Variants in ERVMER34-1 observed in about 807,000 individuals in gnomAD.
The protein encoded by ERVMER34-1 is endogenous retroviral envelope protein HEMO.
For synonymous variants in ERVMER34-1, 199 were observed against 111.7 expected (o/e 1.78, Z -4.93); for missense variants, 471 against 295.1 (o/e 1.60, Z -4.37).
chr4:52,750,085 A>G (rs112618785), intron 2 of ERVMER34-1, among the ~76,000 whole-genome samples: 21,915 of 152,034 alleles, frequency 0.14, 1,654 homozygotes, highest in East Asian at 0.2. Context: ...CACAACCTCT[A>G]CATCCCAGGT....
rs745383270 is a variant in ERVMER34-1, at chr4:52,744,905, G to A, written c.616C>T (p.Pro206Ser). The change falls in exon 3 of 3, where the codon CCC (proline) becomes TCC (serine). Residue 206 changes from proline to serine, a missense_variant. Coordinates refer to ENST00000443173, the MANE Select transcript of ERVMER34-1 (RefSeq NM_001242690.2). The stretch of plus-strand genomic sequence containing the variant: ...ACCCATTTGTAGTCTTGGGTATTGG[G>A]CAGACCAATCAAGGGAACAGCTGAG... ...NSSAVPLIGL[P>S]NTQDYKWVDR... 1.4e-5 allele frequency: 10 copies of A among 704,086 alleles called. No individual in the cohort carries two copies. The highest frequency in any genetic ancestry group is 4.4e-5 in the South Asian group (3 of 67,588). The allele number at this position is 704,086 out of a possible 1,614,324, so 43.6% of individuals were successfully genotyped here.
intron 2 of ERVMER34-1, among the ~76,000 whole-genome samples, chr4:52,750,195 C>CTCTACCT (rs1442056043): frequency 6.6e-6 from 1 of 152,076 alleles, no homozygotes; most frequent in Non-Finnish European, 1.5e-5. Context: ...GATGGGGTTT[C>CTCTACCT]ACCATGTTGG....
chr4:52,744,186 G>T lies in ERVMER34-1; in HGVS notation c.1335C>A (p.Cys445Ter), dbSNP rs1157702314. The T allele has an allele frequency of 2.8e-6, 2 of 704,020 alleles. No individual in the cohort carries two copies. The highest frequency in any genetic ancestry group is 2.6e-6 in the Non-Finnish European group (1 of 385,002). The allele number at this position is 704,020 out of a possible 1,614,324, so 43.6% of individuals were successfully genotyped here. The change falls in exon 3 of 3, where the codon TGC becomes TGA. Residue 445 changes from cysteine (C) to a stop codon, truncating the protein, a stop_gained. Coordinates refer to ENST00000443173, the MANE Select transcript of ERVMER34-1 (RefSeq NM_001242690.2). LOFTEE classifies it low-confidence loss of function (END_TRUNC). ...TTTCTTCCGAATAATTTATATAGAG[G>T]CAACACTGTTTGCCAACAGTTCCAC... The part of the protein sequence containing the change: ...TACGTVGKQC[C>*]LYINYSEEIK...
At chr4:52,750,571 A>C (rs1716262052) in intron 2 of ERVMER34-1, 1 of 152,194 alleles carries the variant, frequency 6.6e-6, no homozygotes, top group African/African-American at 2.4e-5. Flanking sequence ...CCCACAACCT[A>C]AAACAGACAT....
chr4:52,743,437 T>C lies in ERVMER34-1; in HGVS notation c.*392A>G, dbSNP rs1716062279. ...TTATCTATTCAAACACACTCTTTGGTCTATCCAGAAGCCTACAAAGTGCTG... is the reference window on the plus strand; with the variant it reads ...TTATCTATTCAAACACACTCTTTGGCCTATCCAGAAGCCTACAAAGTGCTG... On this transcript the variant is annotated 3_prime_UTR_variant, in exon 3 of 3. Transcript: ENST00000443173. The C allele has an allele frequency of 6.2e-6, 1 of 161,028 alleles. No individual in the cohort carries two copies. Among genetic ancestry groups the C allele is most frequent in the South Asian group, 2.0e-4 (1 of 5,072 alleles). 10.0% of individuals were successfully genotyped at this position (161,028 alleles called of 1,614,324 possible).
rs533010543 is a variant in ERVMER34-1, at chr4:52,745,845, C to T, written c.-325G>A. On this transcript the variant is annotated 5_prime_UTR_variant, in exon 3 of 3. Coordinates refer to ENST00000443173, the MANE Select transcript of ERVMER34-1 (RefSeq NM_001242690.2). ...AAATTCAGGAATTTTATTTTGATGA[C>T]TATGTAGGTGGTTAGCAGTACTTCA... The T allele has an allele frequency of 3.5e-6, 1 of 289,120 alleles. No individual in the cohort carries two copies. Among genetic ancestry groups the T allele is most frequent in the Non-Finnish European group, 6.5e-6 (1 of 154,834 alleles). 17.9% of individuals were successfully genotyped at this position (289,120 alleles called of 1,614,324 possible). A position where few individuals can be genotyped will look rare whatever the true frequency, so the allele number is the denominator to read the frequency against.
At chr4:52,748,502 T>C (rs1577735028) in intron 2 of ERVMER34-1, among the ~76,000 whole-genome samples, 1 of 152,176 alleles carries the variant, frequency 6.6e-6, no homozygotes, top group Non-Finnish European at 1.5e-5. Flanking sequence ...ATTTGAACTG[T>C]TACCTACTTA....
Position 52,744,112 on chromosome 4 carries a change from T to C in ERVMER34-1, c.1409A>G (p.Asn470Ser). Residue 470 changes from asparagine to serine, a missense_variant, in exon 3 of 3, where the codon AAT becomes AGT. Physicochemically the swap from Asn to Ser is conservative, Grantham distance 46. Coordinates refer to ENST00000443173, the MANE Select transcript of ERVMER34-1 (RefSeq NM_001242690.2). ...GCCTTGCCAATCAAGTAACGGTACATTCTTCAGGTTCTCGGATGCTTCGTG... is the reference window on the plus strand; with the variant it reads ...GCCTTGCCAATCAAGTAACGGTACACTCTTCAGGTTCTCGGATGCTTCGTG... Reference protein sequence around the residue: ...RLHEASENLKNVPLLDWQGIF... With the variant: ...RLHEASENLKSVPLLDWQGIF... The C allele has an allele frequency of 1.4e-6, 1 of 704,166 alleles. No individual in the cohort carries two copies. The highest frequency in any genetic ancestry group is 2.0e-5 in the Admixed American group (1 of 50,018). 43.6% of individuals were successfully genotyped at this position (704,166 alleles called of 1,614,324 possible). A position where few individuals can be genotyped will look rare whatever the true frequency, so the allele number is the denominator to read the frequency against.
At position 52,743,828 on chromosome 4, in the gene ERVMER34-1, C is replaced by A; in HGVS notation, c.*1G>T. ...TGCAGCTGCTGTTTGTTCAGATATT[C>A]TCAAAGTAGACTTGTGTCATATTGA... On this transcript the variant is annotated 3_prime_UTR_variant, in exon 3 of 3. Transcript: ENST00000443173. The A allele has an allele frequency of 6.8e-7, 1 of 1,475,994 alleles. No individual in the cohort carries two copies. Among genetic ancestry groups the A allele is most frequent in the Non-Finnish European group, 8.9e-7 (1 of 1,119,608 alleles). The allele number at this position is 1,475,994 out of a possible 1,614,324, so 91.4% of individuals were successfully genotyped here.
At chr4:52,747,666 T>A (rs1015449824) in intron 2 of ERVMER34-1, among the ~76,000 whole-genome samples, 4 of 152,184 alleles carry the variant, frequency 2.6e-5, no homozygotes, top group African/African-American at 9.7e-5. Flanking sequence ...AATCTGGCTC[T>A]CTTAACAGAA....
At chr4:52,747,802 C>G (rs570041352) in intron 2 of ERVMER34-1, among the ~76,000 whole-genome samples, 1 of 152,336 alleles carries the variant, frequency 6.6e-6, no homozygotes, top group East Asian at 1.9e-4. Flanking sequence ...CTTTGGGAAG[C>G]CAAGGCGGGC....
In ERVMER34-1 at chr4:52,745,340, C is replaced by T. The variant is rs1560437009; in HGVS notation, c.181G>A (p.Val61Ile). The change falls in exon 3 of 3, where the codon GTT becomes ATT. Residue 61 changes from valine to isoleucine, a missense_variant. By Grantham distance (29) the Val-to-Ile change is conservative (BLOSUM62 3). Coordinates refer to ENST00000443173, the MANE Select transcript of ERVMER34-1 (RefSeq NM_001242690.2). ...CACCAGGTGCTTGCACTGGCAGGAACAAAAACTAGTTCGGGTTGTTCTGCA... is the reference window on the plus strand; with the variant it reads ...CACCAGGTGCTTGCACTGGCAGGAATAAAAACTAGTTCGGGTTGTTCTGCA... ...DNAEQPELVF[V>I]PASASTWWTY... 1 of 704,016 alleles carries T rather than the reference C, an allele frequency of 1.4e-6. No individual in the cohort carries two copies. Among genetic ancestry groups the T allele is most frequent in the Non-Finnish European group, 2.6e-6 (1 of 385,004 alleles). 43.6% of individuals were successfully genotyped at this position (704,016 alleles called of 1,614,324 possible). A position where few individuals can be genotyped will look rare whatever the true frequency, so the allele number is the denominator to read the frequency against.
chr4:52,743,632 TA>T lies in ERVMER34-1; in HGVS notation c.*196del. On this transcript the variant is annotated 3_prime_UTR_variant, in exon 3 of 3. Coordinates refer to ENST00000443173, the MANE Select transcript of ERVMER34-1 (RefSeq NM_001242690.2). ...CAGATCAGCTTTATGGTGTGTGTCT[TA>T]AGGCTTCAGAATGAAACTACAAAAA... 1 of 540,990 alleles carries T rather than the reference TA, an allele frequency of 1.8e-6. No homozygotes were observed. The highest frequency in any genetic ancestry group is 3.2e-6 in the Non-Finnish European group (1 of 310,882). 33.5% of individuals were successfully genotyped at this position (540,990 alleles called of 1,614,324 possible).
rs1051087038 is a variant in ERVMER34-1 at position 52,745,435 on chromosome 4, G to A, written c.86C>T (p.Ala29Val). ...GATAGATAGTGTCCGGAAAACTGGA[G>A]CAAGCAGGTGCTGAGGTTGTACTAG... ...TILVQPQHLLAPVFRTLSILT... is the reference protein window; with the variant it reads ...TILVQPQHLLVPVFRTLSILT... Residue 29 changes from alanine (A) to valine (V), a missense_variant, in exon 3 of 3, where the codon GCT becomes GTT. By Grantham distance (64) the Ala-to-Val change is moderately conservative. Transcript: ENST00000443173. 26 of 704,152 alleles carry A rather than the reference G, an allele frequency of 3.7e-5. No individual in the cohort carries two copies. In the East Asian group the frequency reaches 6.7e-4, roughly 18 times the overall value. The allele number at this position is 704,152 out of a possible 1,614,324, so 43.6% of individuals were successfully genotyped here.
chr4:52,744,621 C>A lies in ERVMER34-1; in HGVS notation c.900G>T (p.Leu300Phe), dbSNP rs1310606838. The change falls in exon 3 of 3, where the codon TTG (leucine) becomes TTT (phenylalanine). Residue 300 changes from leucine to phenylalanine, a missense_variant. Transcript: ENST00000443173. Reference protein sequence around the residue: ...LSVNNSGLFFLCGNGVYKGFP... With the variant: ...LSVNNSGLFFFCGNGVYKGFP... The stretch of plus-strand genomic sequence containing the variant: ...ACCCTTTGTACACCCCATTGCCGCA[C>A]AAAAAAAAGAGGCCAGAGTTGTTCA... 1.4e-6 allele frequency: 1 copy of A among 703,472 alleles called. No individual in the cohort carries two copies. The highest frequency in any genetic ancestry group is 2.6e-6 in the Non-Finnish European group (1 of 384,830). 43.6% of individuals were successfully genotyped at this position (703,472 alleles called of 1,614,324 possible). A position where few individuals can be genotyped will look rare whatever the true frequency, so the allele number is the denominator to read the frequency against.
chr4:52,745,181 C>G lies in ERVMER34-1; in HGVS notation c.340G>C (p.Ala114Pro). 1.4e-6 allele frequency: 1 copy of G among 704,102 alleles called. No individual in the cohort carries two copies. Among genetic ancestry groups the G allele is most frequent in the Non-Finnish European group, 2.6e-6 (1 of 384,994 alleles). 43.6% of individuals were successfully genotyped at this position (704,102 alleles called of 1,614,324 possible). The change falls in exon 3 of 3, where the codon GCT becomes CCT. Residue 114 changes from alanine (A) to proline (P), a missense_variant. Physicochemically the swap from Ala to Pro is conservative, Grantham distance 27. Coordinates refer to ENST00000443173, the MANE Select transcript of ERVMER34-1 (RefSeq NM_001242690.2). ...ASMEAQGLSF[A>P]QVRLLEGNFS... ...TTTCCCTCCAATAACCTTACTTGAG[C>G]AAAGGATAGACCTTGAGCTTCCATG...
intron 2 of ERVMER34-1, among the ~76,000 whole-genome samples, chr4:52,750,242 G>C (rs530477296): frequency 3.9e-5 from 6 of 151,968 alleles, no homozygotes; most frequent in Non-Finnish European, 8.8e-5. Context: ...CAGGCAATCC[G>C]CCCACCTCGG....
intron 2 of ERVMER34-1, among the ~76,000 whole-genome samples, chr4:52,746,379 T>C (rs66777886): frequency 0.11 from 16,452 of 152,242 alleles, 921 homozygotes; most frequent in East Asian, 0.18. Flanking sequence ...GTCCAGTTTA[T>C]TGACAGATTT....
At chr4:52,750,408 G>T (rs777775476) in intron 2 of ERVMER34-1, among the ~76,000 whole-genome samples, 1 of 152,208 alleles carries the variant, frequency 6.6e-6, no homozygotes, top group African/African-American at 2.4e-5. Context: ...TGTTCATTGC[G>T]CAACACTTAG....
Sources: allele counts gnomAD v4.1 joint callset (sites outside exome capture counted in the v4.1 genomes callset), GRCh38; gene constraint gnomAD v4.1.1; transcripts MANE v1.5; gene names NCBI Gene and HGNC (gene_info 2026-07-23, HGNC 2026-07-21).